SHISA9: variants seen among roughly 807,000 people sequenced by gnomAD.
SHISA9 encodes the protein shisa family member 9, also known as protein shisa-9.
Under a neutral mutation model 38.0 loss-of-function variants are expected in SHISA9, and 13 were observed. That is an observed-to-expected ratio of 0.34 (90% CI 0.22 to 0.54). The LOEUF is 0.54. SHISA9 is among the 20% of genes least tolerant of loss of function. The pLI is 0.91. For missense variants in SHISA9, 538 were observed against 575.8 expected, an observed-to-expected ratio of 0.93 and a Z score of 0.67; for synonymous variants, 275 against 242.0, an observed-to-expected ratio of 1.14 and a Z score of -1.27.
intron 2 of SHISA9, among the ~76,000 whole-genome samples, chr16:13,148,509 A>G (rs2050468110): frequency 6.6e-6 from 1 of 152,132 alleles, no homozygotes; most frequent in Admixed American, 6.5e-5. Context: ...TCACATTGAC[A>G]CTCATATCGA....
chr16:13,269,380 A>G, the SHISA9 span, among the ~76,000 whole-genome samples: 1 of 152,266 alleles, frequency 6.6e-6, no homozygotes, highest in Non-Finnish European at 1.5e-5. Flanking sequence ...TATGGGGGAC[A>G]TACAGGAATA....
chr16:13,037,454 G>A (rs2073088107), intron 2 of SHISA9, among the ~76,000 whole-genome samples: 1 of 151,966 alleles, frequency 6.6e-6, no homozygotes, highest in African/African-American at 2.4e-5. Flanking sequence ...AACCAAGGTT[G>A]GGGGAGGGGA....
At chr16:13,435,227 CTT>C in the SHISA9 span, among the ~76,000 whole-genome samples, 30 of 139,482 alleles carry the variant, frequency 2.2e-4, no homozygotes, top group South Asian at 3.0e-3. Context: ...TTCTTAGAAT[CTT>C]TTTTTTTTTT....
the SHISA9 span, among the ~76,000 whole-genome samples, chr16:13,496,487 G>C: frequency 2.6e-5 from 4 of 151,952 alleles, no homozygotes; most frequent in African/African-American, 7.2e-5. Flanking sequence ...TATATAAAGA[G>C]AGTTTTCATT....
the SHISA9 span, among the ~76,000 whole-genome samples, chr16:13,295,892 G>A: frequency 6.6e-6 from 1 of 152,178 alleles, no homozygotes; most frequent in Non-Finnish European, 1.5e-5. Context: ...AAAAATTTCT[G>A]TCGGAGCTTT....
chr16:13,438,413 A>G, the SHISA9 span, among the ~76,000 whole-genome samples: 1 of 152,074 alleles, frequency 6.6e-6, no homozygotes, highest in African/African-American at 2.4e-5. Context: ...TTCTATCTCT[A>G]ACAGTAGCTA....
the SHISA9 span, among the ~76,000 whole-genome samples, chr16:13,480,316 G>A: frequency 1.0e-3 from 154 of 152,228 alleles, 2 homozygotes; most frequent in Middle Eastern, 3.4e-3. Flanking sequence ...ATTAGCAGTC[G>A]GTGCCAGCTC....
chr16:13,246,798 A>G, the SHISA9 span, among the ~76,000 whole-genome samples: 3 of 152,064 alleles, frequency 2.0e-5, no homozygotes, highest in South Asian at 4.1e-4. Flanking sequence ...AGTAGCTAGA[A>G]TTTCCTTAAC....
chr16:13,148,708 C>CAT (rs1157084040), intron 2 of SHISA9, among the ~76,000 whole-genome samples: 1 of 138,684 alleles, frequency 7.2e-6, no homozygotes, highest in Non-Finnish European at 1.5e-5. Flanking sequence ...CACACACACA[C>CAT]ACACACACAC....
At chr16:13,375,984 A>G in the SHISA9 span, among the ~76,000 whole-genome samples, 2 of 152,208 alleles carry the variant, frequency 1.3e-5, no homozygotes, top group East Asian at 3.8e-4. Flanking sequence ...GAAAAAAAAA[A>G]TCTTAAAATT....
the SHISA9 span, among the ~76,000 whole-genome samples, chr16:13,384,517 TAAG>T: frequency 2.0e-5 from 3 of 152,174 alleles, no homozygotes; most frequent in Non-Finnish European, 4.4e-5. Context: ...ACTGTGGATA[TAAG>T]AAGAGCAATG....
rs58365720 is a variant in SHISA9 at position 13,197,104 on chromosome 16, TACACACACACACACAC to T, written c.692-6272_692-6257del. On this transcript the variant is annotated intron_variant, in intron 2 of 4. Transcript: ENST00000558583. ...GAAACTGTATCTCTCTCTCTGTACA[TACACACACACACACAC>T]ACACACACACACACACATATATGTG... 5.6e-5 allele frequency among the ~76,000 whole-genome samples: 6 copies of T among 106,492 alleles called. No homozygotes were observed. In the South Asian group the frequency reaches 1.0e-3, roughly 18 times the overall value. The allele number at this position is 106,492 out of a possible 152,430, so 69.9% of individuals were successfully genotyped here.
chr16:12,960,852 A>G (rs947964748), intron 2 of SHISA9, among the ~76,000 whole-genome samples: 64 of 151,822 alleles, frequency 4.2e-4, no homozygotes, highest in African/African-American at 1.4e-3. Context: ...CTTTCCTTCC[A>G]GGAACATTTT....
intron 2 of SHISA9, among the ~76,000 whole-genome samples, chr16:12,956,268 T>A (rs2071833797): frequency 6.6e-6 from 1 of 152,236 alleles, no homozygotes; most frequent in African/African-American, 2.4e-5. Flanking sequence ...GGAATGTTTA[T>A]ACACTGTTGG....
At chr16:13,191,905 G>A (rs1336392526) in intron 2 of SHISA9, among the ~76,000 whole-genome samples, 3 of 152,172 alleles carry the variant, frequency 2.0e-5, no homozygotes, top group South Asian at 2.1e-4. Flanking sequence ...TATGTTCATC[G>A]CAGCACTATT....
intron 2 of SHISA9, among the ~76,000 whole-genome samples, chr16:13,181,926 G>A (rs1400378961): frequency 6.6e-6 from 1 of 152,164 alleles, no homozygotes; most frequent in Admixed American, 6.6e-5. Context: ...GTGACATTAG[G>A]TGGAAATTCA....
chr16:13,310,260 A>G, the SHISA9 span, among the ~76,000 whole-genome samples: 1 of 152,190 alleles, frequency 6.6e-6, no homozygotes, highest in Non-Finnish European at 1.5e-5. Context: ...TGTTACAGTT[A>G]TAACTGAATT....
At chr16:13,135,371 A>T (rs1123219) in intron 2 of SHISA9, among the ~76,000 whole-genome samples, 15,408 of 152,260 alleles carry the variant, frequency 0.1, 891 homozygotes, top group Middle Eastern at 0.17. Flanking sequence ...TGATCAGCAG[A>T]TAGCCTGCAA....
At chr16:13,438,976 G>T in the SHISA9 span, among the ~76,000 whole-genome samples, 73 of 152,300 alleles carry the variant, frequency 4.8e-4, no homozygotes, top group African/African-American at 1.8e-3. Flanking sequence ...TTTTACGGGA[G>T]AGAGCAAACA....
Sources: gnomAD v4.1 joint callset for allele counts (sites outside exome capture counted in the v4.1 genomes callset) on GRCh38, gnomAD v4.1.1 for gene constraint, MANE v1.5 for transcripts, NCBI Gene and HGNC (gene_info 2026-07-23, HGNC 2026-07-21) for gene names.